The following UROC1 variants were observed in gnomAD, a reference collection of about 807,000 sequenced individuals.
The protein encoded by UROC1 is urocanate hydratase.
In UROC1, 79 loss-of-function variants were observed where a neutral mutation model predicts 89.5. That is an observed-to-expected ratio of 0.88 (90% CI 0.74 to 1.06). The LOEUF is 1.06. Ranked by LOEUF, UROC1 falls within the 50% of genes least tolerant of loss-of-function variation. The probability of loss-of-function intolerance (pLI) is 0.00; values close to 1 mark genes in which losing one functional copy is unlikely to be tolerated. For synonymous variants in UROC1, 361 were observed against 354.8 expected (o/e 1.02, Z -0.20); for missense variants, 885 against 907.8 (o/e 0.97, Z 0.32).
At chr3:126,499,841 C>T (rs982294021) in intron 12 of UROC1, among the ~76,000 whole-genome samples, 1 of 152,218 alleles carries the variant, frequency 6.6e-6, no homozygotes, top group African/African-American at 2.4e-5. Context: ...CTTTATGTTC[C>T]TAAAGCACAT....
intron 17 of UROC1, 109 bp downstream of exon 17, chr3:126,489,167 C>T: frequency 9.2e-7 from 1 of 1,092,574 alleles, no homozygotes; most frequent in South Asian, 1.2e-5. Context: ...TATGCCGAGC[C>T]TCTCAGGTGC....
At chr3:126,505,647 G>A (rs1936037145) in intron 8 of UROC1, 54 bp downstream of exon 8, 1 of 1,603,686 alleles carries the variant, frequency 6.2e-7, no homozygotes, top group African/African-American at 1.3e-5. Context: ...AAGGGAGGGA[G>A]GGAGGGAGGG....
intron 16 of UROC1, 68 bp downstream of exon 16, chr3:126,492,350 G>T: frequency 1.4e-6 from 2 of 1,462,250 alleles, no homozygotes. Context: ...CACGCAGGAA[G>T]GCCCAAGGCA....
chr3:126,482,537 C>T (rs769763432), intron 19 of UROC1, 52 bp from the exon 20 acceptor site: 6 of 1,612,938 alleles, frequency 3.7e-6, no homozygotes, highest in Middle Eastern at 1.7e-4. Flanking sequence ...GGGCTCCCCA[C>T]GTGAGTCTTG....
rs1935823242 is a variant in UROC1 at position 126,498,038 on chromosome 3, CCAATGGCGTCACCTCCATCAG to C, written c.1430_1438+12del. The stretch of plus-strand genomic sequence containing the variant: ...GGCCACCCACCCATGGGCATCCCCA[CCAATGGCGTCACCTCCATCAG>C]CAATGGCTTCCTCCAGCACAGATGT... On this transcript the variant is annotated splice_donor_variant and splice_donor_5th_base_variant and coding_sequence_variant and intron_variant, in exon 14 of 20. Coordinates refer to ENST00000290868, the MANE Select transcript of UROC1 (RefSeq NM_144639.3). LOFTEE classifies it high-confidence loss of function. 1 of 1,613,892 alleles carries C rather than the reference CCAATGGCGTCACCTCCATCAG, an allele frequency of 6.2e-7. No homozygotes were observed. The highest frequency in any genetic ancestry group is 1.3e-5 in the African/African-American group (1 of 74,942).
chr3:126,485,565 T>C (rs1307963383), intron 18 of UROC1, among the ~76,000 whole-genome samples: 1 of 151,554 alleles, frequency 6.6e-6, no homozygotes, highest in African/African-American at 2.4e-5. Context: ...ACCCCACACC[T>C]GCTTTTTTTT....
At position 126,517,395 on chromosome 3, in the gene UROC1, C is replaced by T. The variant is rs150676110; in HGVS notation, c.126+199G>A. Among the ~76,000 whole-genome samples, 860 of 152,284 alleles carry T rather than the reference C, an allele frequency of 5.6e-3. 4 individuals are homozygous for T. Among genetic ancestry groups the T allele is most frequent in the Middle Eastern group, 0.044 (13 of 294 alleles). ...GGTCCTCATCTGTAAACAGGCACGGCGATCCTGCACCCAAGGGCGGCTGCA... is the reference window on the plus strand; with the variant it reads ...GGTCCTCATCTGTAAACAGGCACGGTGATCCTGCACCCAAGGGCGGCTGCA... On this transcript the variant is annotated intron_variant, in intron 1 of 19. Coordinates refer to ENST00000290868, the MANE Select transcript of UROC1 (RefSeq NM_144639.3).
rs139167502 is a variant in UROC1, at chr3:126,508,069, C to G, written c.438G>C (p.Ser146=). Residue 146 remains serine, a synonymous_variant, in exon 5 of 20, where the codon TCG becomes TCC. Transcript: ENST00000290868. ...CCAAAGTCTGCTCCTCTGTCATCTTCGACAAGTAGAACATGGTCAGCCAGA... is the reference window on the plus strand; with the variant it reads ...CCAAAGTCTGCTCCTCTGTCATCTTGGACAAGTAGAACATGGTCAGCCAGA... ...AQFWLTMFYL[S]KMTEEQTLVM... 12 of 1,613,808 alleles carry G rather than the reference C, an allele frequency of 7.4e-6. No individual in the cohort carries two copies. Among genetic ancestry groups the G allele is most frequent in the Non-Finnish European group, 8.5e-6 (10 of 1,180,024 alleles).
chr3:126,503,967 G>T (rs763957784), intron 9 of UROC1, 28 bp downstream of exon 9: 3 of 1,613,376 alleles, frequency 1.9e-6, no homozygotes, highest in South Asian at 2.2e-5. Context: ...CAGGTGTCAG[G>T]TGTCCGGAGT....
chr3:126,504,487 T>C (rs181746981), intron 8 of UROC1, among the ~76,000 whole-genome samples: 1 of 152,362 alleles, frequency 6.6e-6, no homozygotes, highest in African/African-American at 2.4e-5. Flanking sequence ...TTCTCACCTC[T>C]TCCTGCCTTG....
chr3:126,499,671 C>T (rs1185612374), intron 12 of UROC1, among the ~76,000 whole-genome samples: 1 of 152,220 alleles, frequency 6.6e-6, no homozygotes, highest in Non-Finnish European at 1.5e-5. Context: ...GTAGACAGGG[C>T]TGGGGGGGCT....
chr3:126,503,920 C>A, intron 9 of UROC1, 75 bp downstream of exon 9: 1 of 1,561,430 alleles, frequency 6.4e-7, no homozygotes. Context: ...CAAGCTGCCC[C>A]ATGGGGGTCC....
At chr3:126,500,224 C>T (rs1463907868) in intron 11 of UROC1, 70 bp from the exon 12 acceptor site, 15 of 1,476,434 alleles carry the variant, frequency 1.0e-5, no homozygotes, top group African/African-American at 2.8e-5. Context: ...CACCCTCAGT[C>T]GCACCCGCCA....
At chr3:126,494,312 A>G (rs1355377974) in intron 15 of UROC1, among the ~76,000 whole-genome samples, 1 of 151,922 alleles carries the variant, frequency 6.6e-6, no homozygotes, top group Non-Finnish European at 1.5e-5. Context: ...CACCCCTTAC[A>G]CCCTCAACTC....
chr3:126,482,576 G>A (rs1560113297), intron 19 of UROC1, 91 bp from the exon 20 acceptor site: 8 of 1,596,368 alleles, frequency 5.0e-6, no homozygotes, highest in East Asian at 4.5e-5. Context: ...TCTCTGCTTC[G>A]GGACCTCTGA....
At chr3:126,495,700 T>C (rs1935759856) in intron 15 of UROC1, among the ~76,000 whole-genome samples, 1 of 152,220 alleles carries the variant, frequency 6.6e-6, no homozygotes, top group Non-Finnish European at 1.5e-5. Flanking sequence ...GGTAATTCTA[T>C]TTTTGATTTT....
Position 126,492,513 on chromosome 3 carries a change from C to G in UROC1, c.1513G>C (p.Val505Leu). The change falls in exon 16 of 20, where the codon GTG (valine) becomes CTG (leucine). Residue 505 changes from valine to leucine, a missense_variant. Val to Leu is a conservative substitution (Grantham distance 32, BLOSUM62 1). Transcript: ENST00000290868. Reference sequence around the variant, plus strand: ...TACAGGATCCTTGCCTGGGAGCCCACCACCTGAGGAGAGAAGGGCAACTGG... The same window carrying G: ...TACAGGATCCTTGCCTGGGAGCCCAGCACCTGAGGAGAGAAGGGCAACTGG... Reference protein sequence around the residue: ...IREAARHRLVVGSQARILYSD... With the variant: ...IREAARHRLVLGSQARILYSD... 6.2e-7 allele frequency: 1 copy of G among 1,611,650 alleles called. No individual in the cohort carries two copies. The highest frequency in any genetic ancestry group is 8.5e-7 in the Non-Finnish European group (1 of 1,179,806).
In UROC1 at chr3:126,492,328, G is replaced by A. The variant is rs1560117628; in HGVS notation, c.1608+90C>T. On this transcript the variant is annotated intron_variant, in intron 16 of 19. Coordinates refer to ENST00000290868, the MANE Select transcript of UROC1 (RefSeq NM_144639.3). ...CTCCCCACCCAGAAGGCTGTGGGGT[G>A]CAGCCGAGGCACACGCAGGAAGGCC... 1.4e-5 allele frequency: 18 copies of A among 1,256,354 alleles called. No homozygotes were observed. In the South Asian group the frequency reaches 1.7e-4, roughly 12 times the overall value. The allele number at this position is 1,256,354 out of a possible 1,614,324, so 77.8% of individuals were successfully genotyped here. A position where few individuals can be genotyped will look rare whatever the true frequency, so the allele number is the denominator to read the frequency against.
intron 14 of UROC1, among the ~76,000 whole-genome samples, 187 bp from the exon 15 acceptor site, chr3:126,496,295 A>G (rs1935776380): frequency 7.4e-6 from 1 of 135,880 alleles, no homozygotes; most frequent in Non-Finnish European, 1.6e-5. Context: ...CAGTGGCCCC[A>G]TGAATTAATA....
Sources: gnomAD v4.1 joint callset for allele counts (sites outside exome capture counted in the v4.1 genomes callset) on GRCh38, gnomAD v4.1.1 for gene constraint, MANE v1.5 for transcripts, NCBI Gene and HGNC (gene_info 2026-07-23, HGNC 2026-07-21) for gene names.